NECAB1: variants seen among roughly 807,000 people sequenced by gnomAD.
The protein encoded by NECAB1 is N-terminal EF-hand calcium binding protein 1, also known as N-terminal EF-hand calcium-binding protein 1.
In NECAB1, 29 loss-of-function variants were observed where a neutral mutation model predicts 57.5. The observed-to-expected ratio is 0.50, with a 90% CI of 0.38 to 0.69. The LOEUF (loss-of-function observed/expected upper bound fraction) is 0.69, where lower values mean the gene tolerates loss of function less well. Among genes scored for constraint, NECAB1 ranks in the 30% least tolerant of loss-of-function variants. NECAB1 has a pLI of 0.00. For missense variants in NECAB1, 372 were observed against 413.8 expected, an observed-to-expected ratio of 0.90 and a Z score of 0.88; for synonymous variants, 142 against 147.7, an observed-to-expected ratio of 0.96 and a Z score of 0.28.
intron 4 of NECAB1, among the ~76,000 whole-genome samples, chr8:90,879,421 T>TTA (rs1039819968): frequency 2.7e-4 from 41 of 151,914 alleles, no homozygotes; most frequent in Non-Finnish European, 5.4e-4. Context: ...AATACTGAGA[T>TTA]TATACGCACG....
intron 9 of NECAB1, among the ~76,000 whole-genome samples, chr8:90,937,935 A>C (rs558254070): frequency 6.6e-5 from 10 of 152,180 alleles, no homozygotes; most frequent in African/African-American, 2.4e-5. Flanking sequence ...CTATCAAAAT[A>C]TAAGTCTTGT....
intron 9 of NECAB1, among the ~76,000 whole-genome samples, chr8:90,937,643 T>A (rs1810569308): frequency 1.3e-5 from 2 of 152,176 alleles, no homozygotes; most frequent in South Asian, 4.1e-4. Context: ...AGTAAGATGA[T>A]CATTTTCCAG....
rs1340776353 is a variant in NECAB1 at position 90,943,202 on chromosome 8, AT to A, written c.860+2306del. Among the ~76,000 whole-genome samples the A allele has an allele frequency of 3.3e-5, 5 of 152,158 alleles. No homozygotes were observed. The South Asian group carries it at 8.3e-4, about 25-fold the overall frequency. ...ATTTGTGCCGCCTGCTGCAAATTCC[AT>A]TCTCTCAATAACCACAATAAATTGC... On this transcript the variant is annotated intron_variant, in intron 10 of 12. Transcript: ENST00000417640.
chr8:90,929,897 A>G (rs754732164), intron 8 of NECAB1, among the ~76,000 whole-genome samples: 4 of 152,202 alleles, frequency 2.6e-5, no homozygotes, highest in Non-Finnish European at 5.9e-5. Flanking sequence ...TCTTTCATGT[A>G]GGGAAGTAGT....
chr8:90,810,656 A>G (rs1048976396), intron 2 of NECAB1, among the ~76,000 whole-genome samples: 1 of 152,192 alleles, frequency 6.6e-6, no homozygotes, highest in Non-Finnish European at 1.5e-5. Flanking sequence ...ATAGGTTCTA[A>G]AGATATGATT....
chr8:90,813,230 TATATACACACAC>T (rs1291058907), intron 2 of NECAB1: 15 of 138,576 alleles, frequency 1.1e-4, no homozygotes, highest in African/African-American at 4.0e-4. Context: ...TATATATGTA[TATATACACACAC>T]ACACACACAC....
rs538718088 is a variant in NECAB1, at chr8:90,806,311, A to G, written c.124+4596A>G. ...ACGTATTAAATTTGTGAGAGCAGAGATGGTGCCTATTTCACATACCCCCAG... is the reference window on the plus strand; with the variant it reads ...ACGTATTAAATTTGTGAGAGCAGAGGTGGTGCCTATTTCACATACCCCCAG... On this transcript the variant is annotated intron_variant, in intron 2 of 12. Coordinates refer to ENST00000417640, the MANE Select transcript of NECAB1 (RefSeq NM_022351.5). Among the ~76,000 whole-genome samples, 8 of 152,288 alleles carry G rather than the reference A, an allele frequency of 5.3e-5. No homozygotes were observed. In the South Asian group the frequency reaches 1.5e-3, roughly 28 times the overall value.
chr8:90,934,266 T>A (rs998544261), intron 8 of NECAB1, 38 bp from the exon 9 acceptor site: 1 of 1,409,660 alleles, frequency 7.1e-7, no homozygotes, highest in Non-Finnish European at 9.6e-7. Context: ...AATGATATAA[T>A]TTTTTTTCTT....
intron 2 of NECAB1, among the ~76,000 whole-genome samples, chr8:90,807,007 A>G (rs1020911411): frequency 2.6e-5 from 4 of 152,132 alleles, no homozygotes; most frequent in Non-Finnish European, 5.9e-5. Flanking sequence ...ACTTTGTTGT[A>G]TATGCACCTA....
intron 2 of NECAB1, among the ~76,000 whole-genome samples, chr8:90,811,416 G>A (rs1324773303): frequency 6.6e-6 from 1 of 152,216 alleles, no homozygotes; most frequent in Non-Finnish European, 1.5e-5. Context: ...TGAGGAGGAA[G>A]AGGTCTCTGG....
chr8:90,954,058 G>A (rs917149374), intron 12 of NECAB1, among the ~76,000 whole-genome samples: 1 of 147,014 alleles, frequency 6.8e-6, no homozygotes. Context: ...GACAGAACGA[G>A]ACTGTCTCAA....
At chr8:90,867,528 C>T (rs1039587913) in intron 3 of NECAB1, among the ~76,000 whole-genome samples, 3 of 151,614 alleles carry the variant, frequency 2.0e-5, no homozygotes, top group Non-Finnish European at 4.4e-5. Context: ...ACCTCAGAAT[C>T]CTTTACATCT....
intron 5 of NECAB1, among the ~76,000 whole-genome samples, chr8:90,896,057 C>G (rs1293174786): frequency 2.0e-5 from 3 of 152,146 alleles, no homozygotes; most frequent in African/African-American, 7.2e-5. Context: ...TACCTCACAC[C>G]CGTAATAGGT....
At chr8:90,812,867 A>G (rs1160749969) in intron 2 of NECAB1, 2 of 152,222 alleles carry the variant, frequency 1.3e-5, no homozygotes, top group African/African-American at 4.8e-5. Flanking sequence ...ATTTAGACTA[A>G]AAGTACCTCG....
intron 4 of NECAB1, 35 bp downstream of exon 4, chr8:90,872,188 CT>C (rs1237194317): frequency 2.7e-6 from 4 of 1,500,398 alleles, no homozygotes. Flanking sequence ...AAACCTATTA[CT>C]TGCTTAAGAA....
chr8:90,897,934 T>C (rs997782297), intron 5 of NECAB1, among the ~76,000 whole-genome samples: 5 of 152,236 alleles, frequency 3.3e-5, no homozygotes, highest in Middle Eastern at 3.2e-3. Flanking sequence ...AGAGTAATCA[T>C]TTGATTTAAA....
chr8:90,880,931 AT>A, intron 4 of NECAB1, 101 bp from the exon 5 acceptor site: 1 of 780,892 alleles, frequency 1.3e-6, no homozygotes. Flanking sequence ...TATAGCTGAC[AT>A]TTTGTTTTAC....
At chr8:90,879,598 G>A (rs1344510363) in intron 4 of NECAB1, among the ~76,000 whole-genome samples, 3 of 152,032 alleles carry the variant, frequency 2.0e-5, no homozygotes, top group African/African-American at 7.3e-5. Flanking sequence ...TTTCAACATA[G>A]TATAGACTCA....
Position 90,932,740 on chromosome 8 carries a change from G to A in NECAB1, c.694-1564G>A, listed in dbSNP as rs139991034. On this transcript the variant is annotated intron_variant, in intron 8 of 12. Transcript: ENST00000417640. ...TAACAGGCATATGTTATTTCAGATAGTCTGGATTTCTACAGTTTTCAGTTT... is the reference window on the plus strand; with the variant it reads ...TAACAGGCATATGTTATTTCAGATAATCTGGATTTCTACAGTTTTCAGTTT... 6.1e-3 allele frequency among the ~76,000 whole-genome samples: 933 copies of A among 152,278 alleles called. 7 individuals are homozygous for A. The highest frequency in any genetic ancestry group is 6.4e-3 in the Non-Finnish European group (433 of 68,024).
Sources: allele counts gnomAD v4.1 joint callset (sites outside exome capture counted in the v4.1 genomes callset), GRCh38; gene constraint gnomAD v4.1.1; transcripts MANE v1.5; gene names NCBI Gene and HGNC (gene_info 2026-07-23, HGNC 2026-07-21).